The following CDH12 variants were observed in gnomAD, a reference collection of about 807,000 sequenced individuals.
The protein encoded by CDH12 is cadherin-12.
CDH12 carries 41 observed loss-of-function variants against 74.1 expected under a neutral mutation model. The observed-to-expected ratio is 0.55, with a 90% CI of 0.43 to 0.72. The LOEUF is 0.72. Ranked by LOEUF, CDH12 falls within the 30% of genes least tolerant of loss-of-function variation. The pLI, the probability that CDH12 is intolerant of heterozygous loss-of-function variation, is 0.00. For missense variants in CDH12, 945 were observed against 977.2 expected, an observed-to-expected ratio of 0.97 and a Z score of 0.44; for synonymous variants, 399 against 355.0, an observed-to-expected ratio of 1.12 and a Z score of -1.39.
chr5:22,486,627 T>G lies in CDH12; in HGVS notation c.-428+18643A>C, dbSNP rs543860728. ...CCACCATTCCTGGCTAATTTTTTTG[T>G]ATTTTTGGTAGAGATGGGGTTTCTC... On this transcript the variant is annotated intron_variant, in intron 2 of 14. Transcript: ENST00000382254. Among the ~76,000 whole-genome samples, 5 of 152,048 alleles carry G rather than the reference T, an allele frequency of 3.3e-5. No individual in the cohort carries two copies. In the South Asian group the frequency reaches 1.0e-3, roughly 32 times the overall value.
intron 3 of CDH12, among the ~76,000 whole-genome samples, chr5:22,258,502 G>T (rs1172639265): frequency 1.3e-5 from 2 of 151,418 alleles, no homozygotes; most frequent in African/African-American, 4.9e-5. Context: ...AACCATCTCT[G>T]CATAGAAACT....
chr5:22,421,291 A>C (rs927311388), intron 2 of CDH12, among the ~76,000 whole-genome samples: 1 of 152,078 alleles, frequency 6.6e-6, no homozygotes, highest in African/African-American at 2.4e-5. Flanking sequence ...TGCACCCATC[A>C]ATCTGTCATC....
chr5:22,102,665 T>C (rs1032803560), intron 4 of CDH12, among the ~76,000 whole-genome samples: 2 of 28,146 alleles, frequency 7.1e-5, no homozygotes, highest in African/African-American at 2.2e-4. Flanking sequence ...CCGTCTCCAA[T>C]AAATAAATAA....
intron 3 of CDH12, among the ~76,000 whole-genome samples, chr5:22,291,787 C>T (rs139478796): frequency 4.9e-4 from 75 of 152,198 alleles, no homozygotes; most frequent in Admixed American, 1.5e-3. Flanking sequence ...CCAAAGTGAT[C>T]TACAAATTTA....
chr5:22,320,658 G>A (rs183064472), intron 3 of CDH12, among the ~76,000 whole-genome samples: 168 of 152,274 alleles, frequency 1.1e-3, no homozygotes, highest in Middle Eastern at 6.8e-3. Flanking sequence ...ATATCAGAAA[G>A]AGACTTGAGA....
chr5:22,312,700 T>G (rs1738445555), intron 3 of CDH12, among the ~76,000 whole-genome samples: 1 of 152,174 alleles, frequency 6.6e-6, no homozygotes, highest in South Asian at 2.1e-4. Flanking sequence ...TACCAAACAC[T>G]AATCCATCTT....
intron 1 of CDH12, among the ~76,000 whole-genome samples, chr5:22,650,208 T>C (rs1302036647): frequency 6.6e-6 from 1 of 151,968 alleles, no homozygotes; most frequent in Non-Finnish European, 1.5e-5. Context: ...GTGGCTATCA[T>C]AGAGAGTGGA....
intron 1 of CDH12, among the ~76,000 whole-genome samples, chr5:22,757,674 A>G (rs1745997707): frequency 6.6e-6 from 1 of 152,230 alleles, no homozygotes; most frequent in Non-Finnish European, 1.5e-5. Flanking sequence ...AAACAATTCA[A>G]TTTTAAAATG....
intron 10 of CDH12, among the ~76,000 whole-genome samples, chr5:21,794,420 G>A (rs1746668036): frequency 1.3e-5 from 2 of 151,650 alleles, no homozygotes; most frequent in Non-Finnish European, 3.0e-5. Context: ...TTCTCTTGCG[G>A]GTCCTAAACA....
At chr5:22,061,292 T>C (rs1369189844) in intron 5 of CDH12, among the ~76,000 whole-genome samples, 1 of 152,128 alleles carries the variant, frequency 6.6e-6, no homozygotes, top group African/African-American at 2.4e-5. Context: ...GGCAATAAAT[T>C]AGGTCTTGCC....
chr5:22,703,111 A>G (rs1742806542), intron 1 of CDH12, among the ~76,000 whole-genome samples: 1 of 152,094 alleles, frequency 6.6e-6, no homozygotes, highest in South Asian at 2.1e-4. Flanking sequence ...ATTACCATGT[A>G]TCTGTGTATA....
chr5:21,952,479 A>G (rs1755906924), intron 6 of CDH12, among the ~76,000 whole-genome samples: 1 of 152,184 alleles, frequency 6.6e-6, no homozygotes, highest in African/African-American at 2.4e-5. Flanking sequence ...GAACCAGTAC[A>G]TAGTGGTGTG....
chr5:22,697,497 G>A (rs924148452), intron 1 of CDH12, among the ~76,000 whole-genome samples: 16 of 151,280 alleles, frequency 1.1e-4, no homozygotes, highest in African/African-American at 2.9e-4. Context: ...GCGTGAACCC[G>A]GGAGGCGGAG....
At chr5:22,470,667 G>C (rs4605749) in intron 2 of CDH12, among the ~76,000 whole-genome samples, 66,318 of 151,798 alleles carry the variant, frequency 0.44, 14,902 homozygotes, top group Admixed American at 0.61. Flanking sequence ...GTGCTCTTAC[G>C]TAAGCCTCCC....
At chr5:22,234,355 T>A (rs142099673) in intron 3 of CDH12, among the ~76,000 whole-genome samples, 140 of 152,238 alleles carry the variant, frequency 9.2e-4, no homozygotes, top group South Asian at 5.4e-3. Flanking sequence ...TGGGGGCCAG[T>A]CTTTCCTGTG....
chr5:22,706,410 A>G, intron 1 of CDH12, among the ~76,000 whole-genome samples: 1 of 152,092 alleles, frequency 6.6e-6, no homozygotes, highest in Admixed American at 6.6e-5. Context: ...ACATATACAC[A>G]AACTAAAAAG....
chr5:22,392,810 AAGAT>A (rs1437559658), intron 3 of CDH12, among the ~76,000 whole-genome samples: 4 of 152,204 alleles, frequency 2.6e-5, no homozygotes, highest in African/African-American at 9.6e-5. Context: ...CAATTTTACA[AAGAT>A]AGATAGAGTA....
At chr5:22,379,693 G>A (rs1177751457) in intron 3 of CDH12, among the ~76,000 whole-genome samples, 1 of 152,092 alleles carries the variant, frequency 6.6e-6, no homozygotes, top group African/African-American at 2.4e-5. Context: ...GAGTCTACTG[G>A]CCAAATATGT....
At chr5:22,140,441 T>C (rs1746721432) in intron 4 of CDH12, among the ~76,000 whole-genome samples, 1 of 135,524 alleles carries the variant, frequency 7.4e-6, no homozygotes, top group Non-Finnish European at 1.7e-5. Flanking sequence ...GTGTATAAAG[T>C]AAAAAGAGAA....
Sources: allele counts gnomAD v4.1 joint callset (sites outside exome capture counted in the v4.1 genomes callset), GRCh38; gene constraint gnomAD v4.1.1; transcripts MANE v1.5; gene names NCBI Gene and HGNC (gene_info 2026-07-23, HGNC 2026-07-21).